The following EVC2 variants were observed in gnomAD, a reference collection of about 807,000 sequenced individuals.
EVC2 encodes limbin.
EVC2 carries 148 observed loss-of-function variants against 149.3 expected under a neutral mutation model. That is an observed-to-expected ratio of 0.99 (90% confidence interval 0.87 to 1.14). EVC2 has a LOEUF of 1.14. Among genes scored for constraint, EVC2 ranks in the 50% most tolerant of loss-of-function variants. The probability of loss-of-function intolerance (pLI) is 0.00; values close to 1 mark genes in which losing one functional copy is unlikely to be tolerated. For synonymous variants in EVC2, 776 were observed against 649.9 expected (o/e 1.19, Z -2.95); for missense variants, 1,854 against 1,627.3 (o/e 1.14, Z -2.40).
downstream of EVC2, among the ~76,000 whole-genome samples, chr4:5,539,787 A>ACG (rs560302135): frequency 7.9e-5 from 12 of 152,302 alleles, no homozygotes; most frequent in Middle Eastern, 3.4e-3. Flanking sequence ...ACACACACAC[A>ACG]CACACACACA....
intron 9 of EVC2, among the ~76,000 whole-genome samples, chr4:5,662,519 A>G: frequency 7.7e-6 from 1 of 130,426 alleles, no homozygotes; most frequent in East Asian, 2.6e-4. Flanking sequence ...ATATAATATT[A>G]ATATTAAATA....
At chr4:5,593,134 G>C (rs1275510372) in intron 16 of EVC2, among the ~76,000 whole-genome samples, 1 of 152,142 alleles carries the variant, frequency 6.6e-6, no homozygotes, top group Non-Finnish European at 1.5e-5. Context: ...CAGCCCTGCA[G>C]AACCGTGAAT....
intron 9 of EVC2, among the ~76,000 whole-genome samples, chr4:5,650,671 A>C (rs4295208): frequency 0.11 from 10,804 of 102,218 alleles, 852 homozygotes; most frequent in Non-Finnish European, 0.12. Flanking sequence ...AGAGAGAGAG[A>C]GCCATTTAAT....
rs1352894419 is a variant in EVC2, at chr4:5,635,946, G to A, written c.1471-3914C>T. Among the ~76,000 whole-genome samples the A allele has an allele frequency of 2.0e-5, 3 of 152,142 alleles. No homozygotes were observed. In the East Asian group the frequency reaches 5.8e-4, roughly 29 times the overall value. ...CGGTTTGCCCACCTTCAAGTAGAAA[G>A]AGTTCACATTCTGTGTTCTACACCA... On this transcript the variant is annotated intron_variant, in intron 10 of 21. Transcript: ENST00000344408.
Position 5,657,322 on chromosome 4 carries a change from C to T in EVC2, c.1145+5785G>A, listed in dbSNP as rs1287707006. On this transcript the variant is annotated intron_variant, in intron 9 of 21. Transcript: ENST00000344408. This position sits in a 1 kb window ranked among gnomAD's most constrained non-coding sequence, Gnocchi z 4.7. ...CATCCCATGTTCCCTCCCCAAGCCACGTATCTGCTGCATCTACACAGACTC... is the reference window on the plus strand; with the variant it reads ...CATCCCATGTTCCCTCCCCAAGCCATGTATCTGCTGCATCTACACAGACTC... Among the ~76,000 whole-genome samples the T allele has an allele frequency of 6.6e-6, 1 of 151,820 alleles. No individual in the cohort carries two copies. The highest frequency in any genetic ancestry group is 1.5e-5 in the Non-Finnish European group (1 of 67,976).
chr4:5,553,710 T>A (rs569740797), intron 21 of EVC2, among the ~76,000 whole-genome samples: 9 of 152,346 alleles, frequency 5.9e-5, no homozygotes, highest in African/African-American at 2.2e-4. Flanking sequence ...CTCTAGAATA[T>A]GTAAATTATA....
At chr4:5,700,596 A>C (rs1721762140) in intron 1 of EVC2, among the ~76,000 whole-genome samples, 1 of 152,014 alleles carries the variant, frequency 6.6e-6, no homozygotes, top group Non-Finnish European at 1.5e-5. Context: ...CTCCATGAGA[A>C]CCCTGGGCCA....
rs751356206 is a variant in EVC2, at chr4:5,622,775, G to A, written c.2263C>T (p.Gln755Ter). ...AGCTCCTGGGTCATGGCTGAGTTCT[G>A]CAGGCGCCGCAGCTCGTCGGTGGCC... is the stretch of plus-strand genomic sequence containing the variant. The part of the protein sequence containing the change: ...EKATDELRRL[Q>*]NSAMTQELLK... Residue 755 changes from glutamine to a stop codon, truncating the protein, a stop_gained, in exon 14 of 22, where the codon CAG becomes TAG. Coordinates refer to ENST00000344408, the MANE Select transcript of EVC2 (RefSeq NM_147127.5). LOFTEE classifies it high-confidence loss of function. The surrounding 1 kb of genome is among the most constrained non-coding windows in gnomAD (Gnocchi z 5.8). The A allele has an allele frequency of 2.9e-5, 47 of 1,613,918 alleles. No individual in the cohort carries two copies. Among genetic ancestry groups the A allele is most frequent in the Non-Finnish European group, 4.0e-5 (47 of 1,180,022 alleles).
intron 5 of EVC2, among the ~76,000 whole-genome samples, chr4:5,687,640 G>T (rs913587257): frequency 6.6e-6 from 1 of 152,188 alleles, no homozygotes; most frequent in African/African-American, 2.4e-5. Context: ...AGGTCCCAAA[G>T]AATAGAGATG....
At chr4:5,545,689 T>C (rs1721601545) in intron 21 of EVC2, among the ~76,000 whole-genome samples, 1 of 152,172 alleles carries the variant, frequency 6.6e-6, no homozygotes, top group African/African-American at 2.4e-5. Context: ...AAATGACCTT[T>C]CTTATCATCC....
intron 13 of EVC2, among the ~76,000 whole-genome samples, chr4:5,624,051 T>G (rs1715928336): frequency 6.6e-6 from 1 of 152,100 alleles, no homozygotes; most frequent in African/African-American, 2.4e-5. Flanking sequence ...ACAACTTAAA[T>G]GAGGGGGTCA....
In EVC2 at chr4:5,568,648, A is replaced by T. The variant is rs1358459718; in HGVS notation, c.3361-8T>A. 1 of 1,605,824 alleles carries T rather than the reference A, an allele frequency of 6.2e-7. No individual in the cohort carries two copies. The highest frequency in any genetic ancestry group is 1.1e-5 in the South Asian group (1 of 90,218). On this transcript the variant is annotated splice_region_variant and splice_polypyrimidine_tract_variant and intron_variant, in intron 19 of 21. Coordinates refer to ENST00000344408, the MANE Select transcript of EVC2 (RefSeq NM_147127.5). ...CGATGCCAGTCTCAGCTCCTACAGG[A>T]AACAACAGAGGGAGTTCAGACCCTC... is the stretch of plus-strand genomic sequence containing the variant.
In EVC2 at chr4:5,643,171, C is replaced by G. The variant is rs1447995861; in HGVS notation, c.1146-2333G>C. ...TACTGACTATTTTCAGTTAAAGACA[C>G]CTCAAAAGACAAACTAGCAAGTATC... On this transcript the variant is annotated intron_variant, in intron 9 of 21. Transcript: ENST00000344408. 2.0e-5 allele frequency among the ~76,000 whole-genome samples: 3 copies of G among 152,134 alleles called. No homozygotes were observed. In the East Asian group the frequency reaches 5.8e-4, roughly 29 times the overall value.
chr4:5,577,380 G>A (rs1722995859), intron 17 of EVC2, among the ~76,000 whole-genome samples: 1 of 152,178 alleles, frequency 6.6e-6, no homozygotes, highest in Non-Finnish European at 1.5e-5. Flanking sequence ...GTGGGCGGAG[G>A]CAGGAGGGCC....
chr4:5,536,463 A>T, the EVC2 span, among the ~76,000 whole-genome samples: 1 of 152,216 alleles, frequency 6.6e-6, no homozygotes, highest in African/African-American at 2.4e-5. Context: ...TACACTGGAG[A>T]AATATTTTTA....
intron 16 of EVC2, among the ~76,000 whole-genome samples, chr4:5,605,441 C>A (rs1351166925): frequency 6.6e-6 from 1 of 152,108 alleles, no homozygotes; most frequent in Admixed American, 6.5e-5. Context: ...AGCACCCCAA[C>A]CCCCATGTTG....
chr4:5,644,429 C>A (rs368146550), intron 9 of EVC2, among the ~76,000 whole-genome samples: 1 of 152,012 alleles, frequency 6.6e-6, no homozygotes, highest in African/African-American at 2.4e-5. Context: ...CTCAGCCTCC[C>A]GAGTAGCTGG....
chr4:5,689,800 C>T (rs1720986748), intron 4 of EVC2, among the ~76,000 whole-genome samples: 1 of 152,210 alleles, frequency 6.6e-6, no homozygotes, highest in Non-Finnish European at 1.5e-5. Flanking sequence ...TCATCTCCCA[C>T]ATTCAGGCTC....
chr4:5,607,316 C>CTACA (rs1247008366), intron 16 of EVC2, among the ~76,000 whole-genome samples: 1 of 152,132 alleles, frequency 6.6e-6, no homozygotes, highest in African/African-American at 2.4e-5. Flanking sequence ...AAGAAATATT[C>CTACA]TACATTTTTT....
Sources: gnomAD v4.1 joint callset for allele counts (sites outside exome capture counted in the v4.1 genomes callset) on GRCh38, gnomAD v4.1.1 for gene constraint, Gnocchi (gnomAD v3.1) non-coding constraint, MANE v1.5 for transcripts, NCBI Gene and HGNC (gene_info 2026-07-23, HGNC 2026-07-21) for gene names.